Variants in TRDN observed in about 807,000 individuals in gnomAD.
The protein encoded by TRDN is triadin in skeletal muscle.
In TRDN, 161 loss-of-function variants were observed where a neutral mutation model predicts 149.7. That is an observed-to-expected ratio of 1.08 (90% CI 0.95 to 1.23). The LOEUF (loss-of-function observed/expected upper bound fraction) is 1.23. Ranked by LOEUF, TRDN falls within the 50% of genes most tolerant of loss-of-function variation. TRDN has a pLI of 0.00. For missense variants in TRDN, 896 were observed against 823.5 expected (o/e 1.09, Z -1.08); for synonymous variants, 294 against 250.5 (o/e 1.17, Z -1.64).
intron 1 of TRDN, among the ~76,000 whole-genome samples, chr6:123,608,939 G>A (rs1158803624): frequency 2.0e-5 from 3 of 151,990 alleles, no homozygotes; most frequent in African/African-American, 2.4e-5. Context: ...TTGGGAAGCC[G>A]AGGCAGGCAG....
chr6:123,354,845 G>A (rs1780598620), intron 20 of TRDN, among the ~76,000 whole-genome samples: 2 of 151,806 alleles, frequency 1.3e-5, no homozygotes, highest in South Asian at 4.1e-4. Context: ...AGAAATCTAA[G>A]TAGGGAAAGG....
chr6:123,319,575 T>C (rs1779166337), intron 23 of TRDN, among the ~76,000 whole-genome samples: 3 of 152,134 alleles, frequency 2.0e-5, no homozygotes, highest in Admixed American at 2.0e-4. Flanking sequence ...ATACTGGCCA[T>C]TGGGACTGGG....
intron 32 of TRDN, among the ~76,000 whole-genome samples, chr6:123,266,079 TTTATATATA>T (rs1162391433): frequency 2.3e-5 from 3 of 133,282 alleles, no homozygotes; most frequent in African/African-American, 5.6e-5. Context: ...ACATTTTGTG[TTTATATATA>T]TTATATATAT....
At chr6:123,225,105 A>ATG (rs56943480) in intron 38 of TRDN, among the ~76,000 whole-genome samples, 1 of 6,078 alleles carries the variant, frequency 1.6e-4, no homozygotes, top group African/African-American at 9.1e-3. Flanking sequence ...TTCCAAAGAC[A>ATG]TACAAATGAC....
intron 6 of TRDN, among the ~76,000 whole-genome samples, chr6:123,515,087 T>A (rs1278477684): frequency 6.6e-6 from 1 of 150,730 alleles, no homozygotes; most frequent in Middle Eastern, 3.2e-3. Flanking sequence ...AAGTAAAATT[T>A]AAAAAAAAGA....
At chr6:123,421,685 G>T (rs1377451549) in intron 12 of TRDN, 3 of 151,984 alleles carry the variant, frequency 2.0e-5, no homozygotes, top group Non-Finnish European at 2.9e-5. Flanking sequence ...AGGAATATTT[G>T]GGGCCAGGTG....
chr6:123,614,310 A>C (rs1033342266), intron 1 of TRDN, among the ~76,000 whole-genome samples: 117 of 147,168 alleles, frequency 8.0e-4, no homozygotes, highest in Middle Eastern at 3.5e-3. Flanking sequence ...CAAAAAAAAA[A>C]AAAACAAAAA....
At chr6:123,237,271 A>T (rs1775821398) in intron 38 of TRDN, among the ~76,000 whole-genome samples, 1 of 151,366 alleles carries the variant, frequency 6.6e-6, no homozygotes. Flanking sequence ...TTTTTTTGAG[A>T]TGGAGTCTCG....
chr6:123,337,982 C>T (rs1046887692), intron 21 of TRDN, among the ~76,000 whole-genome samples: 7 of 152,114 alleles, frequency 4.6e-5, no homozygotes, highest in African/African-American at 9.7e-5. Flanking sequence ...CTACTTACTA[C>T]GTGTCAGGCA....
intron 38 of TRDN, among the ~76,000 whole-genome samples, chr6:123,225,606 T>A (rs1038175366): frequency 2.6e-5 from 4 of 151,646 alleles, no homozygotes; most frequent in Admixed American, 6.6e-5. Context: ...AGCTTGATTT[T>A]GGTAATCATT....
intron 23 of TRDN, among the ~76,000 whole-genome samples, chr6:123,328,257 C>T (rs1004931065): frequency 6.6e-6 from 1 of 152,170 alleles, no homozygotes; most frequent in Non-Finnish European, 1.5e-5. Context: ...CCACCTGGCA[C>T]GCATGCCCTC....
intron 11 of TRDN, 44 bp downstream of exon 11, chr6:123,438,900 G>T: frequency 1.4e-6 from 2 of 1,430,652 alleles, no homozygotes; most frequent in Non-Finnish European, 1.9e-6. Context: ...ATTATGCATG[G>T]ACACTAATTG....
chr6:123,630,820 A>G (rs1785954217), intron 1 of TRDN, among the ~76,000 whole-genome samples: 1 of 152,052 alleles, frequency 6.6e-6, no homozygotes, highest in African/African-American at 2.4e-5. Flanking sequence ...AATTTAAAAA[A>G]CATAAACTTA....
intron 33 of TRDN, 88 bp from the exon 34 acceptor site, chr6:123,260,726 T>C (rs531204681): frequency 5.6e-5 from 60 of 1,076,620 alleles, no homozygotes; most frequent in Non-Finnish European, 1.5e-5. Flanking sequence ...AGCAAACAAT[T>C]GAAACTTATC....
intron 2 of TRDN, among the ~76,000 whole-genome samples, chr6:123,558,409 A>G (rs977974753): frequency 2.0e-5 from 3 of 152,074 alleles, no homozygotes; most frequent in African/African-American, 7.2e-5. Context: ...GCATTCTGTG[A>G]CTAGCCCTCC....
At chr6:123,238,209 CTATT>C (rs1389853581) in intron 38 of TRDN, among the ~76,000 whole-genome samples, 3 of 152,126 alleles carry the variant, frequency 2.0e-5, no homozygotes, top group Admixed American at 1.3e-4. Flanking sequence ...AAATGGTAAA[CTATT>C]AAACTGGCAA....
intron 9 of TRDN, among the ~76,000 whole-genome samples, chr6:123,488,020 G>A (rs1778048077): frequency 6.6e-6 from 1 of 152,064 alleles, no homozygotes; most frequent in Non-Finnish European, 1.5e-5. Flanking sequence ...ACTTGCTCCA[G>A]TCAGGGATCA....
chr6:123,511,925 T>C (rs4481448), intron 7 of TRDN, among the ~76,000 whole-genome samples: 83,325 of 151,714 alleles, frequency 0.55, 24,137 homozygotes, highest in Non-Finnish European at 0.65. Context: ...TGATATTACA[T>C]TGAGCCCACC....
intron 9 of TRDN, among the ~76,000 whole-genome samples, chr6:123,477,991 A>C (rs957899116): frequency 6.6e-6 from 1 of 151,964 alleles, no homozygotes; most frequent in African/African-American, 2.4e-5. Flanking sequence ...GCGCACCAGC[A>C]TGCACATGTA....
Sources: allele counts gnomAD v4.1 joint callset (sites outside exome capture counted in the v4.1 genomes callset), GRCh38; gene constraint gnomAD v4.1.1; transcripts MANE v1.5; gene names NCBI Gene and HGNC (gene_info 2026-07-23, HGNC 2026-07-21).